Variants in ZNF264 observed in about 807,000 individuals in gnomAD.
The protein encoded by ZNF264 is zinc finger protein 264.
A neutral mutation model predicts 11.2 loss-of-function variants in ZNF264; 11 were observed. The ratio of observed to expected loss-of-function variants is 0.98; its 90% confidence interval spans 0.62 to 1.63. The LOEUF (loss-of-function observed/expected upper bound fraction) is 1.63, where lower values mean the gene tolerates loss of function less well. Ranked by LOEUF, ZNF264 falls within the 40% of genes most tolerant of loss-of-function variation. The probability of loss-of-function intolerance (pLI) is 0.00; values close to 1 mark genes in which losing one functional copy is unlikely to be tolerated. For synonymous variants in ZNF264, 309 were observed against 279.8 expected (o/e 1.10, Z -1.04); for missense variants, 752 against 768.1 (o/e 0.98, Z 0.25).
rs1330631532 is a variant in ZNF264, at chr19:57,222,720, A to G, written c.*9739A>G. The G allele has an allele frequency of 1.3e-5, 2 of 152,164 alleles. No individual in the cohort carries two copies. Among genetic ancestry groups the G allele is most frequent in the Non-Finnish European group, 2.9e-5 (2 of 68,028 alleles). 9.4% of individuals were successfully genotyped at this position (152,164 alleles called of 1,614,324 possible). On this transcript the variant is annotated 3_prime_UTR_variant, in exon 4 of 4. Coordinates refer to ENST00000263095, the MANE Select transcript of ZNF264 (RefSeq NM_003417.5). ...ATAGTATATATGTAAACAATTTGTC[A>G]TCCTTTTGTTGCTGCTTTTGAAACT...
intron 3 of ZNF264, among the ~76,000 whole-genome samples, chr19:57,207,122 C>G (rs1318852224): frequency 2.0e-5 from 3 of 149,800 alleles, no homozygotes; most frequent in Non-Finnish European, 4.4e-5. Flanking sequence ...AACCCATGAT[C>G]TTGCTCACTC....
At chr19:57,202,091 C>T (rs936055488) in intron 2 of ZNF264, among the ~76,000 whole-genome samples, 1 of 151,790 alleles carries the variant, frequency 6.6e-6, no homozygotes, top group African/African-American at 2.4e-5. Context: ...TGCCTGTAGT[C>T]CCAGCTACTC....
Position 57,212,670 on chromosome 19 carries a change from A to G in ZNF264, c.1573A>G (p.Asn525Asp). The G allele has an allele frequency of 6.2e-7, 1 of 1,613,152 alleles. No individual in the cohort carries two copies. The highest frequency in any genetic ancestry group is 8.5e-7 in the Non-Finnish European group (1 of 1,179,774). The change falls in exon 4 of 4, where the codon AAC (asparagine) becomes GAC (aspartate). Residue 525 changes from asparagine to aspartate, a missense_variant. Physicochemically the swap from Asn to Asp is conservative, Grantham distance 23 (BLOSUM62 1). Coordinates refer to ENST00000263095, the MANE Select transcript of ZNF264 (RefSeq NM_003417.5). Reference protein sequence around the residue: ...ECGKSFCWSTNLIRHAIIHTG... With the variant: ...ECGKSFCWSTDLIRHAIIHTG... Reference sequence around the variant, plus strand: ...TGGGAAATCGTTTTGCTGGAGCACAAACCTCATTCGACATGCCATTATCCA... The same window carrying G: ...TGGGAAATCGTTTTGCTGGAGCACAGACCTCATTCGACATGCCATTATCCA...
chr19:57,192,241 A>AT (rs1381913377), intron 1 of ZNF264: 1 of 694,270 alleles, frequency 1.4e-6, no homozygotes, highest in East Asian at 1.4e-4. Context: ...TGGGGGCCTG[A>AT]GGGGGGAAGG....
At position 57,214,988 on chromosome 19, in the gene ZNF264, C is replaced by CAACAAATTTATTGGCTAA. The variant is rs1311011550; in HGVS notation, c.*2007_*2008insAACAAATTTATTGGCTAA. Reference sequence around the variant, plus strand: ...TGTATTTTGTTGAGGAAATATTCCTCTAATTTATTGGCTAATAATGTGTAG... The same window carrying CAACAAATTTATTGGCTAA: ...TGTATTTTGTTGAGGAAATATTCCTCAACAAATTTATTGGCTAATAATTTATTGGCTAATAATGTGTAG... On this transcript the variant is annotated 3_prime_UTR_variant, in exon 4 of 4. Transcript: ENST00000263095. 1 of 152,154 alleles carries CAACAAATTTATTGGCTAA rather than the reference C, an allele frequency of 6.6e-6. No homozygotes were observed. The highest frequency in any genetic ancestry group is 1.5e-5 in the Non-Finnish European group (1 of 68,030). The allele number at this position is 152,154 out of a possible 1,614,324, so 9.4% of individuals were successfully genotyped here.
Position 57,212,753 on chromosome 19 carries a change from G to T in ZNF264, c.1656G>T (p.Ser552=), listed in dbSNP as rs569173108. Residue 552 remains serine (S), a synonymous_variant, in exon 4 of 4, where the codon TCG becomes TCT. Transcript: ENST00000263095. ...SECGKAFSRS[S]SLTQHQRMHT... is the part of the protein sequence containing the mutation. The stretch of plus-strand genomic sequence containing the variant: ...GTGGAAAGGCCTTCAGTCGCAGCTC[G>T]TCCCTCACTCAGCATCAAAGGATGC... 1.2e-6 allele frequency: 2 copies of T among 1,614,140 alleles called. No individual in the cohort carries two copies. The highest frequency in any genetic ancestry group is 1.7e-6 in the Non-Finnish European group (2 of 1,179,986).
chr19:57,193,948 G>C lies in ZNF264; in HGVS notation c.107G>C (p.Arg36Pro). 1.2e-6 allele frequency: 2 copies of C among 1,613,918 alleles called. No homozygotes were observed. The highest frequency in any genetic ancestry group is 8.5e-7 in the Non-Finnish European group (1 of 1,179,894). Reference protein sequence around the residue: ...EEWGQLDLAQRTLYQEVMLEN... With the variant: ...EEWGQLDLAQPTLYQEVMLEN... ...TGGGGGCAGCTGGACCTAGCTCAGC[G>C]GACCCTGTACCAGGAGGTGATGCTG... The change falls in exon 2 of 4, where the codon CGG (arginine) becomes CCG (proline). Residue 36 changes from arginine to proline, a missense_variant. Physicochemically the swap from Arg to Pro is moderately radical, Grantham distance 103 (BLOSUM62 -2). Coordinates refer to ENST00000263095, the MANE Select transcript of ZNF264 (RefSeq NM_003417.5).
At chr19:57,202,782 C>T (rs12982620) in intron 2 of ZNF264, among the ~76,000 whole-genome samples, 21,677 of 151,706 alleles carry the variant, frequency 0.14, 2,003 homozygotes, top group Middle Eastern at 0.21. Context: ...CCTTGAGTTC[C>T]GTGAGCTGCT....
chr19:57,207,235 G>A (rs1458447773), intron 3 of ZNF264, among the ~76,000 whole-genome samples: 1 of 152,128 alleles, frequency 6.6e-6, no homozygotes, highest in Non-Finnish European at 1.5e-5. Context: ...ATGAGTCCCT[G>A]CATCCAGCCA....
At chr19:57,210,729 T>G (rs2087328210) in intron 3 of ZNF264, among the ~76,000 whole-genome samples, 1 of 152,170 alleles carries the variant, frequency 6.6e-6, no homozygotes, top group African/African-American at 2.4e-5. Context: ...GCCCTAACCT[T>G]CTAATCACGT....
Position 57,211,725 on chromosome 19 carries a change from A to G in ZNF264, c.628A>G (p.Lys210Glu), listed in dbSNP as rs2087337852. 1.2e-6 allele frequency: 2 copies of G among 1,614,072 alleles called. No individual in the cohort carries two copies. The highest frequency in any genetic ancestry group is 2.2e-5 in the South Asian group (2 of 91,086). Reference sequence around the variant, plus strand: ...TAACTTTAAATGCAGTGAATGTGGAAAAGTATTTAACAAGAAACACCTCCT... The same window carrying G: ...TAACTTTAAATGCAGTGAATGTGGAGAAGTATTTAACAAGAAACACCTCCT... ...ENNFKCSECG[K>E]VFNKKHLLAG... The change falls in exon 4 of 4, where the codon AAA becomes GAA. Residue 210 changes from lysine to glutamate, a missense_variant. Physicochemically the swap from Lys to Glu is moderately conservative, Grantham distance 56. Transcript: ENST00000263095.
At position 57,220,211 on chromosome 19, in the gene ZNF264, A is replaced by G. The variant is rs1373672791; in HGVS notation, c.*7230A>G. On this transcript the variant is annotated 3_prime_UTR_variant, in exon 4 of 4. Coordinates refer to ENST00000263095, the MANE Select transcript of ZNF264 (RefSeq NM_003417.5). Reference sequence around the variant, plus strand: ...TTGGGGGGTTTGTTTTCTGGTCACTATTTTTACTAAAGTTGATTCAACAAT... The same window carrying G: ...TTGGGGGGTTTGTTTTCTGGTCACTGTTTTTACTAAAGTTGATTCAACAAT... 3.3e-5 allele frequency: 5 copies of G among 152,074 alleles called. No homozygotes were observed. The highest frequency in any genetic ancestry group is 5.9e-5 in the Non-Finnish European group (4 of 68,018). 9.4% of individuals were successfully genotyped at this position (152,074 alleles called of 1,614,324 possible).
chr19:57,193,852 A>G (rs2087193070), intron 1 of ZNF264, 23 bp from the exon 2 acceptor site: 5 of 1,613,450 alleles, frequency 3.1e-6, no homozygotes, highest in South Asian at 1.1e-5. Flanking sequence ...GGCCAATACT[A>G]CTAATTCTGT....
Position 57,212,573 on chromosome 19 carries a change from C to T in ZNF264, c.1476C>T (p.Phe492=), listed in dbSNP as rs1439150762. The T allele has an allele frequency of 6.2e-7, 1 of 1,614,146 alleles. No homozygotes were observed. Among genetic ancestry groups the T allele is most frequent in the Admixed American group, 1.7e-5 (1 of 60,024 alleles). ...AGTGCGTGGAGTGTGGAAAGGCCTTCACCCGCATGTCGGGCCTCACGAGGC... is the reference window on the plus strand; with the variant it reads ...AGTGCGTGGAGTGTGGAAAGGCCTTTACCCGCATGTCGGGCCTCACGAGGC... ...PYECVECGKA[F]TRMSGLTRHK... is the part of the protein sequence containing the mutation. Residue 492 remains phenylalanine, a synonymous_variant, in exon 4 of 4, where the codon TTC becomes TTT. Transcript: ENST00000263095.
rs2087417655 is a variant in ZNF264, at chr19:57,221,611, G to C, written c.*8630G>C. ...AAGTCACAGGATGTGCCTTATTTAA[G>C]TTCCATCTGGTACTTATGACAACAC... On this transcript the variant is annotated 3_prime_UTR_variant, in exon 4 of 4. Coordinates refer to ENST00000263095, the MANE Select transcript of ZNF264 (RefSeq NM_003417.5). 6.6e-6 allele frequency: 1 copy of C among 152,172 alleles called. No individual in the cohort carries two copies. The allele number at this position is 152,172 out of a possible 1,614,324, so 9.4% of individuals were successfully genotyped here.
intron 2 of ZNF264, among the ~76,000 whole-genome samples, chr19:57,201,065 G>A (rs900603285): frequency 6.6e-6 from 1 of 151,682 alleles, no homozygotes; most frequent in South Asian, 2.1e-4. Context: ...TATTGTATGT[G>A]TATATATATA....
chr19:57,195,316 A>G (rs2087204230), intron 2 of ZNF264, among the ~76,000 whole-genome samples: 2 of 152,262 alleles, frequency 1.3e-5, no homozygotes, highest in Admixed American at 6.5e-5. Context: ...TAAAATGCAG[A>G]TGTTTTCTTA....
At position 57,192,118 on chromosome 19, in the gene ZNF264, C is replaced by G. The variant is rs575294202; in HGVS notation, c.33+172C>G. Among the ~76,000 whole-genome samples, 3 of 152,244 alleles carry G rather than the reference C, an allele frequency of 2.0e-5. No homozygotes were observed. The South Asian group carries it at 6.2e-4, about 32-fold the overall frequency. On this transcript the variant is annotated intron_variant, in intron 1 of 3. Transcript: ENST00000263095. ...TACCTGGCCGTAAGGAGTGTTGGGC[C>G]TACTGGAAGGAGCTCCGTAGGTTGT...
Position 57,218,675 on chromosome 19 carries a change from T to C in ZNF264, c.*5694T>C, listed in dbSNP as rs936018485. 6.6e-6 allele frequency: 1 copy of C among 152,204 alleles called. No homozygotes were observed. The highest frequency in any genetic ancestry group is 2.4e-5 in the African/African-American group (1 of 41,440). 9.4% of individuals were successfully genotyped at this position (152,204 alleles called of 1,614,324 possible). ...TCTTTTTTCTTTTTCCAGTCTATTT[T>C]CTGTCTTGTTAATATTGATTAATTT... On this transcript the variant is annotated 3_prime_UTR_variant, in exon 4 of 4. Transcript: ENST00000263095.
Sources: gnomAD v4.1 joint callset for allele counts (sites outside exome capture counted in the v4.1 genomes callset) on GRCh38, gnomAD v4.1.1 for gene constraint, MANE v1.5 for transcripts, NCBI Gene and HGNC (gene_info 2026-07-23, HGNC 2026-07-21) for gene names.